AKT3: variants seen among roughly 807,000 people sequenced by gnomAD.
AKT3 encodes the protein RAC-gamma serine/threonine-protein kinase.
AKT3 carries 15 observed loss-of-function variants against 65.3 expected under a neutral mutation model. That is an observed-to-expected ratio of 0.23 (90% CI 0.15 to 0.35). The LOEUF is 0.35. AKT3 is among the 10% of genes least tolerant of loss of function. The pLI, the probability that AKT3 is intolerant of heterozygous loss-of-function variation, is 1.00. For missense variants in AKT3, 243 were observed against 576.5 expected (o/e 0.42, Z 5.92); for synonymous variants, 206 against 183.8 (o/e 1.12, Z -0.98).
At chr1:243,824,872 A>C (rs916227020) in intron 2 of AKT3, among the ~76,000 whole-genome samples, 6 of 152,206 alleles carry the variant, frequency 3.9e-5, no homozygotes, top group Non-Finnish European at 5.9e-5. Flanking sequence ...TAGAACCAGA[A>C]ATACCATTTG....
chr1:243,842,987 G>A lies in AKT3; in HGVS notation c.46+138C>T, dbSNP rs1357575017. The A allele has an allele frequency of 1.5e-5, 13 of 886,446 alleles. 1 individual carries two copies. Among genetic ancestry groups the A allele is most frequent in the Admixed American group, 5.8e-5 (2 of 34,220 alleles). 54.9% of individuals were successfully genotyped at this position (886,446 alleles called of 1,614,324 possible). ...AATAACAAGCAAATTCCTAACACAC[G>A]TTAAATATATCATTTCTCTCTTACT... On this transcript the variant is annotated intron_variant, in intron 2 of 13. Coordinates refer to ENST00000673466, the MANE Select transcript of AKT3 (RefSeq NM_005465.7).
chr1:243,764,349 T>C (rs1206158027), intron 2 of AKT3, among the ~76,000 whole-genome samples: 1 of 152,018 alleles, frequency 6.6e-6, no homozygotes, highest in African/African-American at 2.4e-5. Flanking sequence ...TAATGAATCC[T>C]TATGGGAAAA....
At chr1:243,704,900 C>G (rs2148055710) in intron 2 of AKT3, among the ~76,000 whole-genome samples, 1 of 152,196 alleles carries the variant, frequency 6.6e-6, no homozygotes. Flanking sequence ...GGTTATTTCA[C>G]CCGGTAAACT....
intron 13 of AKT3, among the ~76,000 whole-genome samples, chr1:243,509,734 A>C (rs1045523261): frequency 1.6e-4 from 25 of 152,006 alleles, no homozygotes; most frequent in Non-Finnish European, 4.4e-5. Context: ...CTGGTGCTTG[A>C]GCAGAATTGA....
chr1:243,626,059 G>A (rs1282633575), intron 6 of AKT3, among the ~76,000 whole-genome samples: 1 of 152,186 alleles, frequency 6.6e-6, no homozygotes, highest in African/African-American at 2.4e-5. Context: ...TCATCAGGAT[G>A]TTTGTTCATC....
chr1:243,837,110 CCA>C (rs1029009690), intron 2 of AKT3, among the ~76,000 whole-genome samples: 1 of 151,736 alleles, frequency 6.6e-6, no homozygotes, highest in Non-Finnish European at 1.5e-5. Context: ...TCACTTGTGC[CCA>C]GGACGTCAAG....
intron 1 of AKT3, among the ~76,000 whole-genome samples, chr1:243,849,354 AG>A (rs1240663899): frequency 2.6e-5 from 4 of 151,888 alleles, no homozygotes; most frequent in Non-Finnish European, 5.9e-5. Flanking sequence ...TTAAAAACAC[AG>A]ACAAGCACGT....
At chr1:243,686,143 A>T (rs960167330) in intron 3 of AKT3, among the ~76,000 whole-genome samples, 2 of 152,156 alleles carry the variant, frequency 1.3e-5, no homozygotes, top group Non-Finnish European at 2.9e-5. Flanking sequence ...ATGCTCATGG[A>T]TAGAAAGGAT....
chr1:243,724,203 C>A (rs1687079243), intron 2 of AKT3, among the ~76,000 whole-genome samples: 1 of 139,732 alleles, frequency 7.2e-6, no homozygotes, highest in African/African-American at 2.7e-5. Context: ...ACCAAACAAA[C>A]AAGATAATAC....
chr1:243,489,277 G>C (rs1022426241), intron 13 of AKT3: 13 of 1,220,282 alleles, frequency 1.1e-5, no homozygotes, highest in Admixed American at 6.4e-5. Context: ...CCCGAAGACT[G>C]TGCTGGGCAC....
At chr1:243,821,807 C>T (rs1290155929) in intron 2 of AKT3, among the ~76,000 whole-genome samples, 1 of 152,158 alleles carries the variant, frequency 6.6e-6, no homozygotes, top group African/African-American at 2.4e-5. Flanking sequence ...TACAAAGAGA[C>T]AAAGACTCCC....
At chr1:243,692,891 T>C (rs1032121646) in intron 3 of AKT3, among the ~76,000 whole-genome samples, 1 of 152,084 alleles carries the variant, frequency 6.6e-6, no homozygotes, top group Admixed American at 6.5e-5. Flanking sequence ...TAAGAAAAGA[T>C]ATTTCTTTTC....
chr1:243,841,521 G>A (rs552349829), intron 2 of AKT3, among the ~76,000 whole-genome samples: 4 of 152,260 alleles, frequency 2.6e-5, no homozygotes, highest in Admixed American at 6.5e-5. Context: ...AAATGCTTTC[G>A]TAATTTATAA....
intron 4 of AKT3, among the ~76,000 whole-genome samples, chr1:243,653,666 C>T (rs1056702056): frequency 3.9e-5 from 6 of 152,166 alleles, no homozygotes; most frequent in African/African-American, 1.2e-4. Context: ...TTGTGTAGCT[C>T]CTCTACCAAG....
chr1:243,800,261 C>A (rs1343065147), intron 2 of AKT3, among the ~76,000 whole-genome samples: 2 of 152,168 alleles, frequency 1.3e-5, no homozygotes, highest in African/African-American at 2.4e-5. Context: ...TACTCATCTG[C>A]AAATCAAGGA....
chr1:243,836,484 G>A (rs920968229), intron 2 of AKT3, among the ~76,000 whole-genome samples: 7 of 148,428 alleles, frequency 4.7e-5, no homozygotes, highest in African/African-American at 7.4e-5. Context: ...AAAAAAAAAC[G>A]AGTCAGTGAA....
At chr1:243,714,317 AC>A (rs1686359436) in intron 2 of AKT3, among the ~76,000 whole-genome samples, 1 of 152,226 alleles carries the variant, frequency 6.6e-6, no homozygotes, top group South Asian at 2.1e-4. Flanking sequence ...AAAATGCAAA[AC>A]AAAATTAAAC....
intron 10 of AKT3, among the ~76,000 whole-genome samples, chr1:243,562,950 A>G (rs1383740040): frequency 6.6e-6 from 1 of 152,188 alleles, no homozygotes; most frequent in Non-Finnish European, 1.5e-5. Context: ...GGTTTGTTAC[A>G]CAGCATTAGT....
At chr1:243,586,766 G>C (rs1346811092) in intron 8 of AKT3, among the ~76,000 whole-genome samples, 2 of 151,974 alleles carry the variant, frequency 1.3e-5, no homozygotes, top group East Asian at 3.9e-4. Flanking sequence ...ATTAACTGTT[G>C]GGTACCATGC....
Sources: gnomAD v4.1 joint callset for allele counts (sites outside exome capture counted in the v4.1 genomes callset) on GRCh38, gnomAD v4.1.1 for gene constraint, MANE v1.5 for transcripts, NCBI Gene and HGNC (gene_info 2026-07-23, HGNC 2026-07-21) for gene names.